The following KCNH8 variants were observed in gnomAD, a reference collection of about 807,000 sequenced individuals.
KCNH8 encodes potassium voltage-gated channel subfamily H member 8, also known as voltage-gated delayed rectifier potassium channel KCNH8.
A neutral mutation model predicts 103.6 loss-of-function variants in KCNH8; 70 were observed. The observed-to-expected ratio is 0.68, with a 90% CI of 0.56 to 0.82. The LOEUF (loss-of-function observed/expected upper bound fraction) is 0.82, where lower values mean the gene tolerates loss of function less well. KCNH8 is among the 40% of genes least tolerant of loss of function. The probability of loss-of-function intolerance (pLI) is 0.00; values close to 1 mark genes in which losing one functional copy is unlikely to be tolerated. For missense variants in KCNH8, 1,217 were observed against 1,329.9 expected (o/e 0.92, Z 1.32); for synonymous variants, 498 against 489.4 (o/e 1.02, Z -0.23).
At chr3:19,439,086 A>G (rs999906129) in intron 8 of KCNH8, among the ~76,000 whole-genome samples, 14 of 152,132 alleles carry the variant, frequency 9.2e-5, no homozygotes, top group Non-Finnish European at 1.8e-4. Context: ...ATAAGACTCA[A>G]TGAAAGAGGG....
intron 5 of KCNH8, among the ~76,000 whole-genome samples, chr3:19,348,522 A>G (rs906437814): frequency 6.6e-6 from 1 of 152,088 alleles, no homozygotes; most frequent in African/African-American, 2.4e-5. Flanking sequence ...TATCACTAGA[A>G]TATTGTGTAC....
At chr3:19,171,186 T>C (rs1214558209) in intron 1 of KCNH8, among the ~76,000 whole-genome samples, 1 of 152,194 alleles carries the variant, frequency 6.6e-6, no homozygotes, top group Admixed American at 6.5e-5. Flanking sequence ...TCCTCACTTA[T>C]ATATTTTTTG....
intron 10 of KCNH8, among the ~76,000 whole-genome samples, chr3:19,451,945 A>G (rs2067454664): frequency 6.6e-6 from 1 of 152,204 alleles, no homozygotes; most frequent in Non-Finnish European, 1.5e-5. Flanking sequence ...TACAAGATAT[A>G]TTGTGAAAAT....
chr3:19,373,186 G>C (rs549754971), intron 5 of KCNH8, among the ~76,000 whole-genome samples: 1 of 152,156 alleles, frequency 6.6e-6, no homozygotes, highest in South Asian at 2.1e-4. Context: ...AGAAGGAATG[G>C]TACCAGCTCC....
chr3:19,470,061 T>A (rs2067823755), intron 11 of KCNH8, among the ~76,000 whole-genome samples: 1 of 150,628 alleles, frequency 6.6e-6, no homozygotes, highest in African/African-American at 2.5e-5. Context: ...TCAAATTATA[T>A]TTAATTTTTT....
At chr3:19,525,564 T>C (rs1575174955) in intron 15 of KCNH8, among the ~76,000 whole-genome samples, 2 of 151,956 alleles carry the variant, frequency 1.3e-5, no homozygotes, top group East Asian at 1.9e-4. Context: ...AGTCAAAGGG[T>C]TGATAAATAA....
chr3:19,195,890 A>G (rs185413031), intron 1 of KCNH8, among the ~76,000 whole-genome samples: 209 of 152,138 alleles, frequency 1.4e-3, no homozygotes, highest in African/African-American at 4.9e-3. Context: ...TTGGTCCTCC[A>G]GCTAAGATCT....
chr3:19,501,226 G>A (rs999761056), intron 11 of KCNH8, among the ~76,000 whole-genome samples: 1 of 152,124 alleles, frequency 6.6e-6, no homozygotes, highest in African/African-American at 2.4e-5. Context: ...GACTAAACCA[G>A]GAAGAAGTTG....
intron 3 of KCNH8, among the ~76,000 whole-genome samples, chr3:19,285,382 T>C (rs1262775010): frequency 6.6e-6 from 1 of 152,166 alleles, no homozygotes; most frequent in Non-Finnish European, 1.5e-5. Context: ...TAGAAGCTGC[T>C]ACTGTCTCAG....
At chr3:19,274,027 G>A (rs1379362039) in intron 2 of KCNH8, among the ~76,000 whole-genome samples, 3 of 152,068 alleles carry the variant, frequency 2.0e-5, no homozygotes, top group East Asian at 3.9e-4. Flanking sequence ...GTGTCCTATA[G>A]TATGTGTAGA....
intron 11 of KCNH8, among the ~76,000 whole-genome samples, chr3:19,467,095 C>CA (rs1485956425): frequency 6.6e-6 from 1 of 152,090 alleles, no homozygotes; most frequent in Non-Finnish European, 1.5e-5. Flanking sequence ...TCATATGACT[C>CA]ACTTTACTGA....
intron 1 of KCNH8, among the ~76,000 whole-genome samples, chr3:19,213,274 C>T (rs1240065741): frequency 2.0e-5 from 3 of 152,276 alleles, no homozygotes; most frequent in African/African-American, 7.2e-5. Context: ...TAGGAGTGTT[C>T]TAGGACTCTG....
At chr3:19,273,484 C>G (rs147662210) in intron 2 of KCNH8, among the ~76,000 whole-genome samples, 2 of 152,250 alleles carry the variant, frequency 1.3e-5, no homozygotes, top group African/African-American at 2.4e-5. Flanking sequence ...ATAAGTCAGA[C>G]ATTAATTGGG....
intron 15 of KCNH8, among the ~76,000 whole-genome samples, chr3:19,529,106 C>A (rs1287896013): frequency 6.6e-6 from 1 of 151,940 alleles, no homozygotes; most frequent in Admixed American, 6.6e-5. Flanking sequence ...TGATGGTGTG[C>A]AAGGGAGAAA....
At position 19,264,914 on chromosome 3, in the gene KCNH8, C is replaced by G. The variant is rs543158183; in HGVS notation, c.310+11027C>G. On this transcript the variant is annotated intron_variant, in intron 2 of 15. Transcript: ENST00000328405. ...GTCCTGGCAATTCTGACTCCTGACC[C>G]CTTGTACTCTGAAATACTAAGTCAT... Among the ~76,000 whole-genome samples the G allele has an allele frequency of 4.5e-4, 68 of 152,140 alleles. 1 individual carries two copies. Among genetic ancestry groups the G allele is most frequent in the African/African-American group, 1.6e-3 (67 of 41,536 alleles).
chr3:19,284,421 T>C (rs2064799432), intron 3 of KCNH8, among the ~76,000 whole-genome samples: 2 of 151,946 alleles, frequency 1.3e-5, no homozygotes, highest in South Asian at 4.2e-4. Flanking sequence ...TATAGGCCTT[T>C]TATCGATGGA....
intron 15 of KCNH8, among the ~76,000 whole-genome samples, chr3:19,522,345 C>T (rs572952578): frequency 2.0e-3 from 302 of 151,478 alleles, no homozygotes; most frequent in Non-Finnish European, 3.7e-3. Context: ...AGTTCCATTT[C>T]GAAAGCCAAA....
At position 19,253,859 on chromosome 3, in the gene KCNH8, A is replaced by G. The variant is rs370167832; in HGVS notation, c.282A>G (p.Lys94=). The G allele has an allele frequency of 6.2e-7, 1 of 1,613,284 alleles. No individual in the cohort carries two copies. Residue 94 remains lysine, a synonymous_variant, in exon 2 of 16, where the codon AAA becomes AAG. Transcript: ENST00000328405. ...EKSLEEKTEF[K]GEIMFYKKNG... ...CACTGGAGGAGAAAACAGAATTCAA[A>G]GGAGAAATTATGTTCTACAAGAAAA...
intron 7 of KCNH8, among the ~76,000 whole-genome samples, chr3:19,420,074 G>T (rs987557656): frequency 2.6e-5 from 4 of 152,026 alleles, no homozygotes; most frequent in African/African-American, 7.2e-5. Flanking sequence ...AAATTTTACA[G>T]GCTGTCTAAA....
Sources: gnomAD v4.1 joint callset for allele counts (sites outside exome capture counted in the v4.1 genomes callset) on GRCh38, gnomAD v4.1.1 for gene constraint, MANE v1.5 for transcripts, NCBI Gene and HGNC (gene_info 2026-07-23, HGNC 2026-07-21) for gene names.